Variants in DACH1 observed in about 807,000 individuals in gnomAD.
The protein encoded by DACH1 is dachshund family transcription factor 1.
A neutral mutation model predicts 54.2 loss-of-function variants in DACH1; 12 were observed. That is an observed-to-expected ratio of 0.22 (90% confidence interval 0.14 to 0.36). The LOEUF is 0.36. Among genes scored for constraint, DACH1 ranks in the 10% least tolerant of loss-of-function variants. The pLI, the probability that DACH1 is intolerant of heterozygous loss-of-function variation, is 1.00. For missense variants in DACH1, 805 were observed against 929.8 expected (o/e 0.87, Z 1.75); for synonymous variants, 386 against 366.2 (o/e 1.05, Z -0.62).
At chr13:71,858,845 T>C (rs1377278961) in intron 1 of DACH1, among the ~76,000 whole-genome samples, 3 of 151,714 alleles carry the variant, frequency 2.0e-5, no homozygotes, top group African/African-American at 7.2e-5. Context: ...TACGGTACAT[T>C]ATTATAGATA....
chr13:71,657,548 G>A (rs1048655118), intron 2 of DACH1, among the ~76,000 whole-genome samples: 2 of 149,588 alleles, frequency 1.3e-5, no homozygotes, highest in Non-Finnish European at 3.0e-5. Flanking sequence ...ACTCCAGCCT[G>A]GGTGACAGAT....
chr13:71,790,562 C>T (rs560513542), intron 1 of DACH1, among the ~76,000 whole-genome samples: 20 of 152,078 alleles, frequency 1.3e-4, no homozygotes, highest in African/African-American at 4.8e-4. Context: ...ATGTGATATA[C>T]AAAGATAAAA....
At chr13:71,765,894 T>G (rs1885601187) in intron 1 of DACH1, among the ~76,000 whole-genome samples, 1 of 149,722 alleles carries the variant, frequency 6.7e-6, no homozygotes, top group South Asian at 2.1e-4. Flanking sequence ...ATTTTTTTTT[T>G]TTTTTTTTTT....
intron 6 of DACH1, among the ~76,000 whole-genome samples, chr13:71,490,292 T>G (rs1369084030): frequency 1.3e-5 from 2 of 152,194 alleles, no homozygotes; most frequent in African/African-American, 2.4e-5. Flanking sequence ...ACAACACGTT[T>G]TCCAATTACG....
chr13:71,692,196 G>A (rs760562175), intron 1 of DACH1, among the ~76,000 whole-genome samples: 1 of 152,050 alleles, frequency 6.6e-6, no homozygotes, highest in African/African-American at 2.4e-5. Context: ...CATATTAACA[G>A]CAATGTTTGG....
At chr13:71,601,127 G>A (rs1341124400) in intron 3 of DACH1, among the ~76,000 whole-genome samples, 1 of 151,886 alleles carries the variant, frequency 6.6e-6, no homozygotes. Context: ...TAATTAATAG[G>A]CGAATAACGC....
At chr13:71,730,480 G>A (rs1180984708) in intron 1 of DACH1, among the ~76,000 whole-genome samples, 1 of 152,164 alleles carries the variant, frequency 6.6e-6, no homozygotes. Context: ...ATAAGCATGA[G>A]TCATGCACGC....
chr13:71,687,112 C>A (rs1055888565), intron 1 of DACH1, among the ~76,000 whole-genome samples: 1 of 152,168 alleles, frequency 6.6e-6, no homozygotes, highest in South Asian at 2.1e-4. Context: ...CCTCTCCGAT[C>A]TATTTACGCA....
intron 1 of DACH1, among the ~76,000 whole-genome samples, chr13:71,817,528 G>A (rs570036821): frequency 2.1e-4 from 32 of 152,146 alleles, no homozygotes; most frequent in Non-Finnish European, 4.3e-4. Flanking sequence ...CAACAATGTC[G>A]CAACAGCTAG....
At chr13:71,605,617 G>T (rs540865503) in intron 3 of DACH1, among the ~76,000 whole-genome samples, 1 of 151,782 alleles carries the variant, frequency 6.6e-6, no homozygotes, top group Non-Finnish European at 1.5e-5. Context: ...TTTTATCAAA[G>T]AATGTTTTCA....
chr13:71,509,695 C>T (rs1880614391), intron 6 of DACH1, among the ~76,000 whole-genome samples: 1 of 152,140 alleles, frequency 6.6e-6, no homozygotes, highest in South Asian at 2.1e-4. Context: ...CTCAAATGTA[C>T]TGCCTCAAAT....
chr13:71,451,803 T>C (rs1375293840), intron 10 of DACH1, among the ~76,000 whole-genome samples: 1 of 152,132 alleles, frequency 6.6e-6, no homozygotes, highest in African/African-American at 2.4e-5. Context: ...AATGACAAAA[T>C]TGGAAGTTGG....
rs77813082 is a variant in DACH1 at position 71,824,442 on chromosome 13, A to G, written c.848+41480T>C. 6.3e-3 allele frequency among the ~76,000 whole-genome samples: 961 copies of G among 152,130 alleles called. 8 individuals carry two copies. The highest frequency in any genetic ancestry group is 0.022 in the African/African-American group (920 of 41,546). ...ATTAATTGCTGAATGTCACATAAAC[A>G]TGATAAGTAAGAAAAAGAAACATTC... is the stretch of plus-strand genomic sequence containing the variant. On this transcript the variant is annotated intron_variant, in intron 1 of 10. Transcript: ENST00000613252.
In DACH1 at chr13:71,839,615, TAAATAA is replaced by T. The variant is rs1362383445; in HGVS notation, c.848+26301_848+26306del. On this transcript the variant is annotated intron_variant, in intron 1 of 10. Coordinates refer to ENST00000613252, the MANE Select transcript of DACH1 (RefSeq NM_080759.6). ...GAGTGAGACTCCGTCTCAAAATAAA[TAAATAA>T]AAATAAAAATAAAATTAAAAAAGGA... Among the ~76,000 whole-genome samples the T allele has an allele frequency of 1.3e-4, 19 of 151,906 alleles. No homozygotes were observed. The East Asian group carries it at 3.7e-3, about 29-fold the overall frequency.
intron 10 of DACH1, among the ~76,000 whole-genome samples, chr13:71,451,599 A>AAAT (rs1346547954): frequency 6.6e-6 from 1 of 152,202 alleles, no homozygotes; most frequent in Non-Finnish European, 1.5e-5. Flanking sequence ...ATCAGATGCA[A>AAAT]AATGAGAAAC....
intron 6 of DACH1, among the ~76,000 whole-genome samples, chr13:71,494,068 A>G (rs1207070826): frequency 6.6e-6 from 1 of 152,186 alleles, no homozygotes; most frequent in Non-Finnish European, 1.5e-5. Context: ...CAAAAAGTGC[A>G]TCTTCCTAGG....
intron 3 of DACH1, among the ~76,000 whole-genome samples, chr13:71,600,883 A>G (rs1028553371): frequency 1.4e-4 from 22 of 151,988 alleles, no homozygotes; most frequent in African/African-American, 5.1e-4. Flanking sequence ...TAAAAAATTC[A>G]ATACATTGCC....
intron 10 of DACH1, among the ~76,000 whole-genome samples, chr13:71,474,149 T>C (rs960514575): frequency 5.3e-5 from 1 of 18,986 alleles, no homozygotes; most frequent in Non-Finnish European, 1.2e-3. Context: ...AAAATAAATA[T>C]AGGCAAAAAA....
intron 1 of DACH1, among the ~76,000 whole-genome samples, chr13:71,684,052 T>C (rs547274557): frequency 2.6e-4 from 40 of 152,102 alleles, no homozygotes; most frequent in Non-Finnish European, 5.6e-4. Flanking sequence ...CCTTCTTTTA[T>C]ATACTCAAAT....
Sources: allele counts gnomAD v4.1 joint callset (sites outside exome capture counted in the v4.1 genomes callset), GRCh38; gene constraint gnomAD v4.1.1; transcripts MANE v1.5; gene names NCBI Gene and HGNC (gene_info 2026-07-23, HGNC 2026-07-21).